Variants in TAFA5 observed in about 807,000 individuals in gnomAD.
TAFA5 encodes the protein TAFA chemokine like family member 5.
In TAFA5, 6 loss-of-function variants were observed where a neutral mutation model predicts 15.3. The observed-to-expected ratio is 0.39, with a 90% CI of 0.21 to 0.77. The LOEUF is 0.77. Ranked by LOEUF, TAFA5 falls within the 30% of genes least tolerant of loss-of-function variation. The probability of loss-of-function intolerance (pLI) is 0.41; values close to 1 mark genes in which losing one functional copy is unlikely to be tolerated. For synonymous variants in TAFA5, 103 were observed against 80.7 expected (o/e 1.28, Z -1.48); for missense variants, 161 against 193.1 (o/e 0.83, Z 0.98).
chr22:48,610,210 A>AC lies in TAFA5; in HGVS notation c.113-36386dup, dbSNP rs372403700. ...TGGCCCCCGAGAAGGGCCTGGCTGC[A>AC]CTGCTGCAGGCACGTTCCTGAGGGT... On this transcript the variant is annotated intron_variant, in intron 1 of 3. Coordinates refer to ENST00000402357, the MANE Select transcript of TAFA5 (RefSeq NM_001082967.3). 1.6e-3 allele frequency among the ~76,000 whole-genome samples: 239 copies of AC among 152,042 alleles called. No homozygotes were observed. In the Middle Eastern group the frequency reaches 0.017, roughly 11 times the overall value.
chr22:48,730,385 C>CA (rs130204), intron 3 of TAFA5, among the ~76,000 whole-genome samples: 45,932 of 147,086 alleles, frequency 0.31, 7,968 homozygotes, highest in Non-Finnish European at 0.41. Flanking sequence ...GACTGTGTCT[C>CA]AAAAAAAAAA....
intron 1 of TAFA5, among the ~76,000 whole-genome samples, chr22:48,584,609 C>A (rs1924260292): frequency 6.7e-6 from 1 of 149,006 alleles, no homozygotes; most frequent in South Asian, 2.2e-4. Flanking sequence ...CCACACCACA[C>A]ACGCATGCAC....
At chr22:48,680,839 G>A (rs1006589361) in intron 2 of TAFA5, among the ~76,000 whole-genome samples, 3 of 152,194 alleles carry the variant, frequency 2.0e-5, no homozygotes, top group African/African-American at 4.8e-5. Context: ...CTGTGCCACC[G>A]TCCAGTGCTG....
chr22:48,522,559 G>A (rs1460099799), intron 1 of TAFA5, among the ~76,000 whole-genome samples: 1 of 152,144 alleles, frequency 6.6e-6, no homozygotes, highest in Non-Finnish European at 1.5e-5. Flanking sequence ...TGGGCGCGGG[G>A]CCAGGCAAGG....
intron 1 of TAFA5, among the ~76,000 whole-genome samples, chr22:48,592,691 G>A (rs988247706): frequency 7.0e-6 from 1 of 143,014 alleles, no homozygotes; most frequent in Non-Finnish European, 1.5e-5. Context: ...TGACTAACTC[G>A]GTCCTGGGAA....
intron 1 of TAFA5, among the ~76,000 whole-genome samples, chr22:48,562,442 G>A (rs972684922): frequency 2.0e-5 from 3 of 152,142 alleles, no homozygotes; most frequent in African/African-American, 7.2e-5. Context: ...CCGGCCCCGC[G>A]GAGCCTTTCT....
intron 2 of TAFA5, among the ~76,000 whole-genome samples, chr22:48,674,534 G>A (rs1389321354): frequency 2.6e-5 from 4 of 152,128 alleles, no homozygotes; most frequent in South Asian, 2.1e-4. Flanking sequence ...TGATTGAATC[G>A]CGTCATTTGC....
chr22:48,625,847 C>G (rs1414517149), intron 1 of TAFA5, among the ~76,000 whole-genome samples: 1 of 152,336 alleles, frequency 6.6e-6, no homozygotes, highest in African/African-American at 2.4e-5. Context: ...TCCAACTATT[C>G]ATTCCTCTTT....
chr22:48,597,377 C>T (rs1172083441), intron 1 of TAFA5, among the ~76,000 whole-genome samples: 1 of 150,908 alleles, frequency 6.6e-6, no homozygotes, highest in African/African-American at 2.4e-5. Flanking sequence ...CCACCTGGCC[C>T]GCATCACCTG....
At chr22:48,518,933 C>T (rs968131579) in intron 1 of TAFA5, among the ~76,000 whole-genome samples, 2 of 152,134 alleles carry the variant, frequency 1.3e-5, no homozygotes, top group African/African-American at 4.8e-5. Flanking sequence ...GGTGACCAGG[C>T]GGCCGGCGGT....
At position 48,639,674 on chromosome 22, in the gene TAFA5, C is replaced by T. The variant is rs743054; in HGVS notation, c.113-6923C>T. ...GCCCCCACTGCCCCACCAGCCCCCG[C>T]CTAGCACCTGGAAGAAGGGGGTACC... On this transcript the variant is annotated intron_variant, in intron 1 of 3. Transcript: ENST00000402357. 1.6e-3 allele frequency among the ~76,000 whole-genome samples: 251 copies of T among 152,326 alleles called. 8 individuals are homozygous for T. The East Asian group carries it at 0.04, about 25-fold the overall frequency.
intron 1 of TAFA5, among the ~76,000 whole-genome samples, chr22:48,608,583 G>A (rs28619115): frequency 0.13 from 19,418 of 152,148 alleles, 1,339 homozygotes; most frequent in African/African-American, 0.17. Context: ...ATTGTATAGC[G>A]TTTCCTGAGT....
chr22:48,686,186 G>A (rs6010590), intron 2 of TAFA5, among the ~76,000 whole-genome samples: 14,400 of 152,220 alleles, frequency 0.095, 2,269 homozygotes, highest in African/African-American at 0.33. Context: ...GTCTGAGGCC[G>A]CCAGGGGTCT....
intron 2 of TAFA5, chr22:48,693,434 A>G: frequency 6.2e-7 from 1 of 1,608,400 alleles, no homozygotes; most frequent in Non-Finnish European, 8.5e-7. Context: ...GCAGTAAAGG[A>G]GGGACTGCGA....
chr22:48,719,461 G>A (rs1032932718), intron 3 of TAFA5, among the ~76,000 whole-genome samples: 5 of 152,214 alleles, frequency 3.3e-5, no homozygotes, highest in Admixed American at 2.6e-4. Flanking sequence ...GATGGCCAGG[G>A]GAGAGGAAAA....
chr22:48,515,881 C>G (rs891276559), intron 1 of TAFA5, among the ~76,000 whole-genome samples: 3 of 151,972 alleles, frequency 2.0e-5, no homozygotes, highest in African/African-American at 7.3e-5. Flanking sequence ...TGCTGGCTCC[C>G]CCAGGGGTCT....
At chr22:48,740,337 G>A (rs549418031) in intron 3 of TAFA5, among the ~76,000 whole-genome samples, 3 of 152,304 alleles carry the variant, frequency 2.0e-5, no homozygotes, top group South Asian at 2.1e-4. Context: ...CAGCCTCCCC[G>A]CATTGGCTGC....
chr22:48,589,054 G>T (rs541048803), intron 1 of TAFA5, among the ~76,000 whole-genome samples: 2 of 152,224 alleles, frequency 1.3e-5, no homozygotes, highest in African/African-American at 4.8e-5. Context: ...ATAAATAACT[G>T]TGCTTTGCAG....
At chr22:48,703,196 G>T (rs1414022762) in intron 2 of TAFA5, among the ~76,000 whole-genome samples, 3 of 152,038 alleles carry the variant, frequency 2.0e-5, no homozygotes. Context: ...GTGGTGTGTG[G>T]TGTATACATG....
Sources: gnomAD v4.1 joint callset for allele counts (sites outside exome capture counted in the v4.1 genomes callset) on GRCh38, gnomAD v4.1.1 for gene constraint, MANE v1.5 for transcripts, NCBI Gene and HGNC (gene_info 2026-07-23, HGNC 2026-07-21) for gene names.